Variants in CDH4 observed in about 807,000 individuals in gnomAD.
The protein encoded by CDH4 is cadherin-4.
A neutral mutation model predicts 86.0 loss-of-function variants in CDH4; 33 were observed. The ratio of observed to expected loss-of-function variants is 0.38; its 90% CI spans 0.29 to 0.51. CDH4 has a LOEUF of 0.51. Ranked by LOEUF, CDH4 falls within the 20% of genes least tolerant of loss-of-function variation. The pLI, the probability that CDH4 is intolerant of heterozygous loss-of-function variation, is 0.86. For missense variants in CDH4, 1,114 were observed against 1,307.4 expected (o/e 0.85, Z 2.28); for synonymous variants, 555 against 549.4 (o/e 1.01, Z -0.14).
At chr20:61,478,633 A>G (rs2085552567) in intron 2 of CDH4, among the ~76,000 whole-genome samples, 1 of 152,224 alleles carries the variant, frequency 6.6e-6, no homozygotes, top group Admixed American at 6.5e-5. Context: ...ATCTGGGGGA[A>G]TATGTGTTGT....
At chr20:61,753,968 C>T (rs1411108380) in intron 3 of CDH4, among the ~76,000 whole-genome samples, 1 of 152,100 alleles carries the variant, frequency 6.6e-6, no homozygotes, top group Non-Finnish European at 1.5e-5. Flanking sequence ...AGCGTGGGCC[C>T]TGATGCAGTA....
chr20:61,717,229 G>A (rs2087966483), intron 2 of CDH4, among the ~76,000 whole-genome samples: 1 of 152,234 alleles, frequency 6.6e-6, no homozygotes, highest in Non-Finnish European at 1.5e-5. Context: ...ACAAAGGCAG[G>A]GGAGCGGGAG....
At chr20:61,910,310 C>T (rs370306312) in intron 8 of CDH4, 112 bp from the exon 9 acceptor site, 27 of 896,014 alleles carry the variant, frequency 3.0e-5, no homozygotes, top group South Asian at 2.2e-4. Flanking sequence ...TGGGCTGACA[C>T]GGTGTGTTCT....
At chr20:61,498,397 G>C (rs971501314) in intron 2 of CDH4, among the ~76,000 whole-genome samples, 5 of 152,212 alleles carry the variant, frequency 3.3e-5, no homozygotes, top group African/African-American at 1.2e-4. Context: ...TGTATTGATA[G>C]TGTAATCGAT....
chr20:61,357,675 A>G (rs1437625543), intron 2 of CDH4, among the ~76,000 whole-genome samples: 2 of 151,968 alleles, frequency 1.3e-5, no homozygotes, highest in African/African-American at 4.8e-5. Flanking sequence ...CAGTGTTGCT[A>G]GAGCTTCACC....
rs116302086 is a variant in CDH4, at chr20:61,279,653, C to T, written c.169+24716C>T. Among the ~76,000 whole-genome samples the T allele has an allele frequency of 3.7e-3, 562 of 152,278 alleles. 4 individuals are homozygous for T. The highest frequency in any genetic ancestry group is 0.013 in the African/African-American group (539 of 41,550). On this transcript the variant is annotated intron_variant, in intron 2 of 15. Transcript: ENST00000614565. ...GTGAAGCCAGGACTGGGGGTCTCCA[C>T]GAAAGCGCAGAGGACATTGTTTCCC...
intron 3 of CDH4, among the ~76,000 whole-genome samples, chr20:61,746,623 C>T (rs368241674): frequency 6.6e-5 from 10 of 152,348 alleles, no homozygotes; most frequent in African/African-American, 1.7e-4. Context: ...AAGGCTTCTG[C>T]GACTTACTGG....
intron 2 of CDH4, among the ~76,000 whole-genome samples, chr20:61,586,003 G>T (rs909088787): frequency 2.1e-5 from 3 of 139,890 alleles, no homozygotes; most frequent in Non-Finnish European, 3.1e-5. Context: ...GATGATGATG[G>T]TGATGGTGAT....
chr20:61,531,472 C>CAAA (rs956436259), intron 2 of CDH4, among the ~76,000 whole-genome samples: 83 of 44,024 alleles, frequency 1.9e-3, no homozygotes, highest in African/African-American at 7.4e-3. Context: ...GACTGCATCT[C>CAAA]AAAAAAAAAA....
intron 7 of CDH4, among the ~76,000 whole-genome samples, chr20:61,893,306 G>GTGGGTAAATAGAGGGATAGATGGA (rs1984926044): frequency 7.4e-6 from 1 of 135,554 alleles, no homozygotes; most frequent in African/African-American, 2.8e-5. Flanking sequence ...AGATGGATGG[G>GTGGGTAAATAGAGGGATAGATGGA]TGGGTGAATA....
intron 2 of CDH4, among the ~76,000 whole-genome samples, chr20:61,441,189 T>C (rs1055634152): frequency 6.6e-6 from 1 of 152,218 alleles, no homozygotes; most frequent in Non-Finnish European, 1.5e-5. Context: ...CCGGCCCTGC[T>C]GTCATCCATC....
intron 4 of CDH4, among the ~76,000 whole-genome samples, chr20:61,804,404 G>A (rs7261426): frequency 0.18 from 27,486 of 152,178 alleles, 2,637 homozygotes; most frequent in Non-Finnish European, 0.19. Context: ...ACCCCTCTCC[G>A]CCGTCCAGCC....
At chr20:61,389,569 A>G (rs2084969758) in intron 2 of CDH4, among the ~76,000 whole-genome samples, 1 of 152,210 alleles carries the variant, frequency 6.6e-6, no homozygotes, top group Non-Finnish European at 1.5e-5. Context: ...GATTTGACAA[A>G]GGATAGAGAA....
intron 2 of CDH4, among the ~76,000 whole-genome samples, chr20:61,403,742 A>G (rs2085063387): frequency 6.6e-6 from 1 of 152,022 alleles, no homozygotes; most frequent in Non-Finnish European, 1.5e-5. Context: ...TGTATTCCTG[A>G]TTTCGCACGG....
intron 10 of CDH4, 134 bp downstream of exon 10, chr20:61,923,838 G>T (rs1720929867): frequency 8.7e-7 from 1 of 1,147,282 alleles, no homozygotes; most frequent in Non-Finnish European, 1.2e-6. Flanking sequence ...CCAACCTAAG[G>T]CGTCCTTCCA....
chr20:61,730,410 G>A (rs1407139465), intron 2 of CDH4, among the ~76,000 whole-genome samples: 1 of 152,150 alleles, frequency 6.6e-6, no homozygotes, highest in Non-Finnish European at 1.5e-5. Context: ...CTACGGGTAT[G>A]CAACCTTTCA....
chr20:61,564,405 G>A (rs1420837311), intron 2 of CDH4, among the ~76,000 whole-genome samples: 2 of 152,190 alleles, frequency 1.3e-5, no homozygotes, highest in African/African-American at 2.4e-5. Context: ...GATCTTGGGG[G>A]TAGATCCCTC....
intron 10 of CDH4, 138 bp from the exon 11 acceptor site, chr20:61,924,196 C>T: frequency 2.3e-6 from 2 of 856,402 alleles, no homozygotes; most frequent in Non-Finnish European, 3.5e-6. Flanking sequence ...TAGAGGAGGA[C>T]AAGGCCTGGG....
intron 2 of CDH4, among the ~76,000 whole-genome samples, chr20:61,395,707 G>T (rs1600937336): frequency 6.6e-6 from 1 of 152,190 alleles, no homozygotes; most frequent in Non-Finnish European, 1.5e-5. Context: ...TTGAGCCCAG[G>T]AAGTCAAGAC....
Sources: gnomAD v4.1 joint callset for allele counts (sites outside exome capture counted in the v4.1 genomes callset) on GRCh38, gnomAD v4.1.1 for gene constraint, MANE v1.5 for transcripts, NCBI Gene and HGNC (gene_info 2026-07-23, HGNC 2026-07-21) for gene names.